HSPG2: variants seen among roughly 807,000 people sequenced by gnomAD.
HSPG2 encodes the protein heparan sulfate proteoglycan 2, also known as basement membrane-specific heparan sulfate proteoglycan core protein.
Under a neutral mutation model 526.6 loss-of-function variants are expected in HSPG2, and 278 were observed. The ratio of observed to expected loss-of-function variants is 0.53; its 90% confidence interval spans 0.48 to 0.58. The LOEUF (loss-of-function observed/expected upper bound fraction) is 0.58. Ranked by LOEUF, HSPG2 falls within the 20% of genes least tolerant of loss-of-function variation. HSPG2 has a pLI of 0.00. For missense variants in HSPG2, 5,354 were observed against 6,099.5 expected (o/e 0.88, Z 4.07); for synonymous variants, 2,465 against 2,555.4 (o/e 0.96, Z 1.07).
At chr1:21,924,923 C>T (rs764200715) in intron 1 of HSPG2, among the ~76,000 whole-genome samples, 1 of 152,090 alleles carries the variant, frequency 6.6e-6, no homozygotes, top group Non-Finnish European at 1.5e-5. Flanking sequence ...ATAACTCATG[C>T]CCAATCAGTC....
rs759803738 is a variant in HSPG2, at chr1:21,896,254, G to T, written c.120C>A (p.Thr40=). 4 of 1,613,738 alleles carry T rather than the reference G, an allele frequency of 2.5e-6. No homozygotes were observed. The East Asian group carries it at 6.7e-5, about 27-fold the overall frequency. ...TCCAGCGCATTTGGCTTGCTGTGAC[G>T]GTCTCTATGTCCTCAGGCAGAGACA... ...DGLSLPEDIE[T]VTASQMRWTH... The change falls in exon 2 of 97, where the codon ACC becomes ACA. Residue 40 remains threonine, a synonymous_variant. Transcript: ENST00000374695.
chr1:21,917,698 C>T (rs1643922547), intron 1 of HSPG2, among the ~76,000 whole-genome samples: 1 of 152,164 alleles, frequency 6.6e-6, no homozygotes, highest in African/African-American at 2.4e-5. Flanking sequence ...GTGGTTCCCT[C>T]TTCTTGGAAT....
chr1:21,865,958 G>T lies in HSPG2; in HGVS notation c.4222-149C>A. On this transcript the variant is annotated intron_variant, in intron 33 of 96. Transcript: ENST00000374695. The surrounding 1 kb of genome is among the most constrained non-coding windows in gnomAD (Gnocchi z 5.4). ...CCTGCCCAAACCAAGAGGCCAGGGT[G>T]CATGGTTGCCTGGGAAACAGGACAT... is the stretch of plus-strand genomic sequence containing the variant. The T allele has an allele frequency of 1.5e-6, 1 of 684,524 alleles. No homozygotes were observed. Among genetic ancestry groups the T allele is most frequent in the Admixed American group, 2.1e-5 (1 of 48,648 alleles). 42.4% of individuals were successfully genotyped at this position (684,524 alleles called of 1,614,324 possible).
intron 3 of HSPG2, among the ~76,000 whole-genome samples, chr1:21,892,350 C>T (rs1032835090): frequency 6.6e-6 from 1 of 152,264 alleles, no homozygotes; most frequent in Non-Finnish European, 1.5e-5. Context: ...CCAGCGCGGG[C>T]GAGGAGGCCG....
At chr1:21,896,977 C>A (rs908170276) in intron 1 of HSPG2, among the ~76,000 whole-genome samples, 1 of 152,208 alleles carries the variant, frequency 6.6e-6, no homozygotes. Flanking sequence ...TGGGGACAGG[C>A]GTGGTGTCAA....
At chr1:21,842,433 A>G in intron 67 of HSPG2, 53 bp from the exon 68 acceptor site, 1 of 1,522,836 alleles carries the variant, frequency 6.6e-7, no homozygotes, top group Non-Finnish European at 8.8e-7. Context: ...AGGACAAGGA[A>G]TGTCCCCAAG....
At position 21,890,400 on chromosome 1, in the gene HSPG2, A is replaced by T; in HGVS notation, c.413+27T>A. The T allele has an allele frequency of 6.2e-7, 1 of 1,610,488 alleles. No individual in the cohort carries two copies. The highest frequency in any genetic ancestry group is 8.5e-7 in the Non-Finnish European group (1 of 1,177,100). On this transcript the variant is annotated intron_variant, in intron 5 of 96. Coordinates refer to ENST00000374695, the MANE Select transcript of HSPG2 (RefSeq NM_005529.7). The surrounding 1 kb of genome is among the most constrained non-coding windows in gnomAD (Gnocchi z 4.1). ...TCCAGGTTACCCGCTCAAGTCCCCC[A>T]GCAGCCCCCAGGGAGCCCCTTCTCA...
At position 21,851,884 on chromosome 1, in the gene HSPG2, C is replaced by T. The variant is rs746768151; in HGVS notation, c.6913G>A (p.Asp2305Asn). The T allele has an allele frequency of 2.2e-5, 35 of 1,611,982 alleles. No individual in the cohort carries two copies. The highest frequency in any genetic ancestry group is 2.5e-5 in the Non-Finnish European group (30 of 1,179,480). Residue 2305 changes from aspartate to asparagine, a missense_variant, in exon 54 of 97, where the codon GAT becomes AAT. Coordinates refer to ENST00000374695, the MANE Select transcript of HSPG2 (RefSeq NM_005529.7). ...GCCCGGCAGACGTACTGTCCCGCAT[C>T]GGCAGGTGAGGCCTGGAAGATGTAC... is the stretch of plus-strand genomic sequence containing the variant. ...RLYIFQASPA[D>N]AGQYVCRASN...
rs753576528 is a variant in HSPG2, at chr1:21,841,622, C to T, written c.9245G>A (p.Arg3082Gln). ...NGSIITIVGTRPSNHGTYRCV... is the reference protein window; with the variant it reads ...NGSIITIVGTQPSNHGTYRCV... ...GCGGTAGGTACCGTGGTTGCTGGGC[C>T]GGGTGCCCACGATGGTGATGATGGA... is the stretch of plus-strand genomic sequence containing the variant. The change falls in exon 70 of 97, where the codon CGG (arginine) becomes CAG (glutamine). Residue 3082 changes from arginine to glutamine, a missense_variant. Coordinates refer to ENST00000374695, the MANE Select transcript of HSPG2 (RefSeq NM_005529.7). 6.8e-6 allele frequency: 11 copies of T among 1,613,998 alleles called. No homozygotes were observed. Among genetic ancestry groups the T allele is most frequent in the Admixed American group, 5.0e-5 (3 of 60,002 alleles).
chr1:21,872,540 C>A lies in HSPG2; in HGVS notation c.4029+80G>T. 2 of 1,517,598 alleles carry A rather than the reference C, an allele frequency of 1.3e-6. No individual in the cohort carries two copies. The highest frequency in any genetic ancestry group is 1.8e-6 in the Non-Finnish European group (2 of 1,118,074). 94.0% of individuals were successfully genotyped at this position (1,517,598 alleles called of 1,614,324 possible). ...AGGGTACTGAGGCGGGGATGAGGGT[C>A]GCTGGGCTCAGTGCTCAGATGGACA... On this transcript the variant is annotated intron_variant, in intron 32 of 96. Coordinates refer to ENST00000374695, the MANE Select transcript of HSPG2 (RefSeq NM_005529.7). This position sits in a 1 kb window ranked among gnomAD's most constrained non-coding sequence, Gnocchi z 5.5.
chr1:21,844,430 C>T, intron 64 of HSPG2, 131 bp from the exon 65 acceptor site: 1 of 1,044,448 alleles, frequency 9.6e-7, no homozygotes, highest in East Asian at 2.6e-5. Flanking sequence ...TCCATTGAGG[C>T]CTGGAGCAGC....
Position 21,872,496 on chromosome 1 carries a change from G to T in HSPG2, c.4030-119C>A. ...TCCTGTTGAGATCAGGACTGCGAGAGAAATAATGGGGGCATGTGAGGGTAC... is the reference window on the plus strand; with the variant it reads ...TCCTGTTGAGATCAGGACTGCGAGATAAATAATGGGGGCATGTGAGGGTAC... On this transcript the variant is annotated intron_variant, in intron 32 of 96. Coordinates refer to ENST00000374695, the MANE Select transcript of HSPG2 (RefSeq NM_005529.7). This position sits in a 1 kb window ranked among gnomAD's most constrained non-coding sequence, Gnocchi z 5.5. 7.1e-7 allele frequency: 1 copy of T among 1,414,962 alleles called. No individual in the cohort carries two copies. Among genetic ancestry groups the T allele is most frequent in the South Asian group, 1.2e-5 (1 of 80,914 alleles). The allele number at this position is 1,414,962 out of a possible 1,614,324, so 87.7% of individuals were successfully genotyped here.
rs771848631 is a variant in HSPG2, at chr1:21,843,276, C to T, written c.8758+21G>A. On this transcript the variant is annotated intron_variant, in intron 66 of 96. Coordinates refer to ENST00000374695, the MANE Select transcript of HSPG2 (RefSeq NM_005529.7). ...CCCCGCGCCTGTGCTCTGGCATCGC[C>T]CACTGCTCCCTATCACTCACCAGGA... is the stretch of plus-strand genomic sequence containing the variant. The T allele has an allele frequency of 3.1e-6, 5 of 1,613,784 alleles. No individual in the cohort carries two copies. In the South Asian group the frequency reaches 5.5e-5, roughly 18 times the overall value.
intron 3 of HSPG2, among the ~76,000 whole-genome samples, chr1:21,891,899 G>A (rs747609807): frequency 4.6e-5 from 7 of 152,118 alleles, no homozygotes; most frequent in African/African-American, 1.4e-4. Flanking sequence ...CTTAAGCACC[G>A]ACTATATATG....
rs779418424 is a variant in HSPG2 at position 21,828,390 on chromosome 1, T to C, written c.12274A>G (p.Ser4092Gly). 31 of 1,613,654 alleles carry C rather than the reference T, an allele frequency of 1.9e-5. 1 individual carries two copies. The South Asian group carries it at 3.4e-4, about 18-fold the overall frequency. ...CCGATGCCCTGGCTGCCTAGGAAAC[T>C]GTAGGTGAGGTCCAGCCGTTTGCCA... ...VNGKRLDLTY[S>G]FLGSQGIGQC... Residue 4092 changes from serine (S) to glycine (G), a missense_variant, in exon 89 of 97, where the codon AGT becomes GGT. Ser to Gly is a moderately conservative substitution (Grantham distance 56). Transcript: ENST00000374695. The surrounding 1 kb of genome is among the most constrained non-coding windows in gnomAD (Gnocchi z 6.0).
intron 1 of HSPG2, among the ~76,000 whole-genome samples, chr1:21,923,500 G>A (rs773096556): frequency 1.1e-4 from 16 of 152,214 alleles, no homozygotes; most frequent in African/African-American, 3.6e-4. Flanking sequence ...CGATAAAATC[G>A]GCCTGCCCTT....
intron 13 of HSPG2, among the ~76,000 whole-genome samples, 160 bp downstream of exon 13, chr1:21,884,368 C>T: frequency 6.6e-6 from 1 of 152,092 alleles, no homozygotes; most frequent in East Asian, 1.9e-4. Flanking sequence ...TCTTGGTTTT[C>T]CCCCCGAAAT....
Position 21,829,432 on chromosome 1 carries a change from G to A in HSPG2, c.11943C>T (p.Ser3981=), listed in dbSNP as rs2097992044. 6.2e-7 allele frequency: 1 copy of A among 1,613,252 alleles called. No individual in the cohort carries two copies. Among genetic ancestry groups the A allele is most frequent in the Non-Finnish European group, 8.5e-7 (1 of 1,179,878 alleles). ...CCAGGTGGCCGCCCACCATCGCCAG[G>A]GACACGAAGTCCTCCACAGGCCCGC... is the stretch of plus-strand genomic sequence containing the variant. ...GKSGPVEDFV[S]LAMVGGHLEF... Residue 3981 remains serine, a synonymous_variant, in exon 87 of 97, where the codon TCC becomes TCT. Transcript: ENST00000374695.
At chr1:21,873,881 A>ACC in intron 29 of HSPG2, 44 bp downstream of exon 29, 2 of 1,490,686 alleles carry the variant, frequency 1.3e-6, no homozygotes, top group Admixed American at 4.0e-5. Flanking sequence ...TTCCAGGGAC[A>ACC]CCCCCTGTGC....
Sources: gnomAD v4.1 joint callset for allele counts (sites outside exome capture counted in the v4.1 genomes callset) on GRCh38, gnomAD v4.1.1 for gene constraint, Gnocchi (gnomAD v3.1) non-coding constraint, MANE v1.5 for transcripts, NCBI Gene and HGNC (gene_info 2026-07-23, HGNC 2026-07-21) for gene names.